AIG1: variants seen among roughly 807,000 people sequenced by gnomAD.
AIG1 encodes the protein androgen-induced gene 1 protein.
Under a neutral mutation model 31.4 loss-of-function variants are expected in AIG1, and 23 were observed. The observed-to-expected ratio is 0.73, with a 90% confidence interval of 0.53 to 1.04. The LOEUF (loss-of-function observed/expected upper bound fraction) is 1.04, where lower values mean the gene tolerates loss of function less well. Ranked by LOEUF, AIG1 falls within the 50% of genes least tolerant of loss-of-function variation. AIG1 has a pLI of 0.00. For synonymous variants in AIG1, 100 were observed against 110.5 expected (o/e 0.90, Z 0.60); for missense variants, 274 against 295.0 (o/e 0.93, Z 0.52).
intron 3 of AIG1, among the ~76,000 whole-genome samples, chr6:143,175,517 T>A (rs932083326): frequency 1.3e-5 from 2 of 152,172 alleles, no homozygotes; most frequent in African/African-American, 4.8e-5. Context: ...TCTTTTTTTA[T>A]TTGTCTTTGT....
chr6:143,285,453 G>T (rs948178981), intron 4 of AIG1, among the ~76,000 whole-genome samples: 6 of 151,132 alleles, frequency 4.0e-5, no homozygotes, highest in African/African-American at 1.5e-4. Flanking sequence ...CTTGAGACCG[G>T]GAGTTCGAGA....
intron 3 of AIG1, among the ~76,000 whole-genome samples, chr6:143,259,357 C>A (rs1795586084): frequency 6.6e-6 from 1 of 152,102 alleles, no homozygotes; most frequent in Non-Finnish European, 1.5e-5. Flanking sequence ...CCATAGACCA[C>A]TCTCTCCTTT....
At chr6:143,311,210 C>T (rs1380707682) in intron 4 of AIG1, among the ~76,000 whole-genome samples, 2 of 151,774 alleles carry the variant, frequency 1.3e-5, no homozygotes, top group African/African-American at 4.8e-5. Context: ...AAAATGTTTG[C>T]AAATCCAATT....
upstream of AIG1, among the ~76,000 whole-genome samples, chr6:143,059,411 G>A (rs1277872500): frequency 3.3e-5 from 5 of 151,794 alleles, no homozygotes; most frequent in South Asian, 8.3e-4. Context: ...CATTATTAAG[G>A]TAGGTAGATC....
At chr6:143,174,719 A>G (rs1787971252) in intron 3 of AIG1, among the ~76,000 whole-genome samples, 1 of 152,024 alleles carries the variant, frequency 6.6e-6, no homozygotes, top group Non-Finnish European at 1.5e-5. Context: ...TATTATTGAG[A>G]TGTGAGGTAC....
intron 2 of AIG1, among the ~76,000 whole-genome samples, chr6:143,141,188 A>G (rs1316531851): frequency 6.6e-6 from 1 of 152,152 alleles, no homozygotes; most frequent in Non-Finnish European, 1.5e-5. Flanking sequence ...GAAGAGACCT[A>G]TTGGCCCCTG....
chr6:143,063,529 A>T (rs183337313), intron 1 of AIG1, among the ~76,000 whole-genome samples: 3 of 152,336 alleles, frequency 2.0e-5, no homozygotes, highest in Admixed American at 2.0e-4. Context: ...TAAAACAACC[A>T]ACCTGTCAAT....
intron 4 of AIG1, among the ~76,000 whole-genome samples, chr6:143,306,696 G>A (rs559079524): frequency 6.6e-6 from 1 of 151,632 alleles, no homozygotes. Context: ...TGCTCTTCTC[G>A]AGGAGTATCT....
At chr6:143,225,273 C>T (rs1488266052) in intron 3 of AIG1, among the ~76,000 whole-genome samples, 2 of 152,164 alleles carry the variant, frequency 1.3e-5, no homozygotes, top group African/African-American at 2.4e-5. Flanking sequence ...TCATATCCCT[C>T]TCTTTTTTAT....
At position 143,333,330 on chromosome 6, in the gene AIG1, G is replaced by C. The variant is rs777311144; in HGVS notation, c.564G>C (p.Leu188=). 3.7e-6 allele frequency: 6 copies of C among 1,613,800 alleles called. No individual in the cohort carries two copies. The Middle Eastern group carries it at 8.3e-4, about 222-fold the overall frequency. ...CTGGCATGTGGGTGTACCCTTTCCT[G>C]GAACACATTGGCCCAGGAGCCAGAA... The part of the protein sequence containing the change: ...HVTGMWVYPF[L]EHIGPGARII... Residue 188 remains leucine, a synonymous_variant, in exon 5 of 6, where the codon CTG becomes CTC. Coordinates refer to ENST00000357847, the MANE Select transcript of AIG1 (RefSeq NM_016108.4). This position sits in a 1 kb window ranked among gnomAD's most constrained non-coding sequence, Gnocchi z 4.6.
At chr6:143,238,674 G>A (rs929237438) in intron 3 of AIG1, among the ~76,000 whole-genome samples, 2 of 152,212 alleles carry the variant, frequency 1.3e-5, no homozygotes, top group Non-Finnish European at 2.9e-5. Context: ...AAGCAGACAC[G>A]CTAGCAATGG....
chr6:143,099,080 A>G (rs1318412093), intron 1 of AIG1, among the ~76,000 whole-genome samples: 2 of 152,222 alleles, frequency 1.3e-5, no homozygotes, highest in African/African-American at 2.4e-5. Flanking sequence ...CATTTCAGTG[A>G]AGAGTTTTTG....
In AIG1 at chr6:143,299,167, C is replaced by T. The variant is rs1583786533; in HGVS notation, c.515+14942C>T. 1 of 152,150 alleles carries T rather than the reference C, an allele frequency of 6.6e-6. No individual in the cohort carries two copies. The highest frequency in any genetic ancestry group is 1.5e-5 in the Non-Finnish European group (1 of 68,052). 9.4% of individuals were successfully genotyped at this position (152,150 alleles called of 1,614,324 possible). On this transcript the variant is annotated intron_variant, in intron 4 of 5. Coordinates refer to ENST00000357847, the MANE Select transcript of AIG1 (RefSeq NM_016108.4). This position sits in a 1 kb window ranked among gnomAD's most constrained non-coding sequence, Gnocchi z 4.1. ...CTGTGAGGGAGCTTAGTGGTCTTCTCCAGGGTAGATGGTAAGCAATGGTAG... is the reference window on the plus strand; with the variant it reads ...CTGTGAGGGAGCTTAGTGGTCTTCTTCAGGGTAGATGGTAAGCAATGGTAG...
intron 4 of AIG1, among the ~76,000 whole-genome samples, chr6:143,321,245 CTCA>C (rs1776184978): frequency 6.6e-6 from 1 of 152,106 alleles, no homozygotes; most frequent in Admixed American, 6.6e-5. Flanking sequence ...TACCTGAAAA[CTCA>C]TCATGTATAC....
Position 143,185,194 on chromosome 6 carries a change from CA to C in AIG1, c.399+20027del, listed in dbSNP as rs10690751. Among the ~76,000 whole-genome samples the C allele has an allele frequency of 1.4e-3, 191 of 134,986 alleles. 1 individual carries two copies. In the Middle Eastern group the frequency reaches 0.039, roughly 27 times the overall value. The allele number at this position is 134,986 out of a possible 152,430, so 88.6% of individuals were successfully genotyped here. A position where few individuals can be genotyped will look rare whatever the true frequency, so the allele number is the denominator to read the frequency against. On this transcript the variant is annotated intron_variant, in intron 3 of 5. Coordinates refer to ENST00000357847, the MANE Select transcript of AIG1 (RefSeq NM_016108.4). ...CTGGCGACAGAGCGAGACTCCATCTCAAAAAAAAAAAAAAAATTCAATCTCA... is the reference window on the plus strand; with the variant it reads ...CTGGCGACAGAGCGAGACTCCATCTCAAAAAAAAAAAAAAATTCAATCTCA...
At chr6:143,130,435 G>A (rs1783110151) in intron 1 of AIG1, among the ~76,000 whole-genome samples, 3 of 151,724 alleles carry the variant, frequency 2.0e-5, no homozygotes, top group Admixed American at 2.0e-4. Context: ...GAACTTTTGG[G>A]GCCAGGTGTG....
rs1019669094 is a variant in AIG1, at chr6:143,256,709, A to C, written c.400-27401A>C. 6.6e-6 allele frequency among the ~76,000 whole-genome samples: 1 copy of C among 152,178 alleles called. No homozygotes were observed. Among genetic ancestry groups the C allele is most frequent in the African/African-American group, 2.4e-5 (1 of 41,440 alleles). ...GTATACTTTATATATATGATTCCCCACTTCATTGGCAGTTTGTAGCAAATT... is the reference window on the plus strand; with the variant it reads ...GTATACTTTATATATATGATTCCCCCCTTCATTGGCAGTTTGTAGCAAATT... On this transcript the variant is annotated intron_variant, in intron 3 of 5. Transcript: ENST00000357847. The surrounding 1 kb of genome is among the most constrained non-coding windows in gnomAD (Gnocchi z 4.6).
At chr6:143,303,188 T>G (rs1798958566) in intron 4 of AIG1, among the ~76,000 whole-genome samples, 1 of 151,606 alleles carries the variant, frequency 6.6e-6, no homozygotes, top group African/African-American at 2.4e-5. Context: ...CTGTTCACTC[T>G]GATGGTAGTT....
intron 3 of AIG1, among the ~76,000 whole-genome samples, chr6:143,262,747 T>A (rs867852893): frequency 1.3e-5 from 2 of 152,030 alleles, no homozygotes; most frequent in Non-Finnish European, 2.9e-5. Context: ...TTAAAAAGAC[T>A]TATGTTATCT....
Sources: allele counts gnomAD v4.1 joint callset (sites outside exome capture counted in the v4.1 genomes callset), GRCh38; gene constraint gnomAD v4.1.1; non-coding constraint Gnocchi (gnomAD v3.1); transcripts MANE v1.5; gene names NCBI Gene and HGNC (gene_info 2026-07-23, HGNC 2026-07-21).